SGPP2: variants seen among roughly 807,000 people sequenced by gnomAD.
SGPP2 encodes sphingosine-1-phosphate phosphatase 2.
A neutral mutation model predicts 33.9 loss-of-function variants in SGPP2; 30 were observed. That is an observed-to-expected ratio of 0.89 (90% confidence interval 0.66 to 1.20). The LOEUF (loss-of-function observed/expected upper bound fraction) is 1.20. Ranked by LOEUF, SGPP2 falls within the 50% of genes most tolerant of loss-of-function variation. SGPP2 has a pLI of 0.00. For synonymous variants in SGPP2, 233 were observed against 225.0 expected (o/e 1.04, Z -0.32); for missense variants, 458 against 532.1 (o/e 0.86, Z 1.37).
Position 222,560,454 on chromosome 2 carries a change from A to T in SGPP2, c.*1556A>T, listed in dbSNP as rs1318350306. On this transcript the variant is annotated 3_prime_UTR_variant, in exon 5 of 5. Transcript: ENST00000321276. ...AGCCAACCAAATACAAAACCCATTA[A>T]GCCTACTAGGGTGAGTCCTCTTAAC... The T allele has an allele frequency of 6.6e-6, 1 of 152,256 alleles. No individual in the cohort carries two copies. Among genetic ancestry groups the T allele is most frequent in the Non-Finnish European group, 1.5e-5 (1 of 68,062 alleles). 9.4% of individuals were successfully genotyped at this position (152,256 alleles called of 1,614,324 possible). A position where few individuals can be genotyped will look rare whatever the true frequency, so the allele number is the denominator to read the frequency against.
intron 4 of SGPP2, among the ~76,000 whole-genome samples, chr2:222,525,526 G>A (rs1013388002): frequency 1.3e-5 from 2 of 152,122 alleles, no homozygotes; most frequent in Admixed American, 6.6e-5. Flanking sequence ...AGGCAGTGGT[G>A]GGAACAGAGT....
At chr2:222,475,322 A>G (rs1186560691) in intron 2 of SGPP2, among the ~76,000 whole-genome samples, 1 of 152,182 alleles carries the variant, frequency 6.6e-6, no homozygotes, top group Non-Finnish European at 1.5e-5. Flanking sequence ...TTTATTTGTA[A>G]AAACCAAATC....
rs113375119 is a variant in SGPP2, at chr2:222,472,587, C to T, written c.220-1981C>T. On this transcript the variant is annotated intron_variant, in intron 1 of 4. Transcript: ENST00000321276. ...CTGGTCAGTAAGTGAATTGTAGAAACGTAAGCTGGGGGACAGTGGCTGGTT... is the reference window on the plus strand; with the variant it reads ...CTGGTCAGTAAGTGAATTGTAGAAATGTAAGCTGGGGGACAGTGGCTGGTT... Among the ~76,000 whole-genome samples, 1,199 of 152,236 alleles carry T rather than the reference C, an allele frequency of 7.9e-3. 27 individuals carry two copies. The highest frequency in any genetic ancestry group is 0.027 in the African/African-American group (1,133 of 41,548).
Position 222,424,698 on chromosome 2 carries a change from G to A in SGPP2, c.96G>A (p.Arg32=). 1.4e-6 allele frequency: 2 copies of A among 1,451,892 alleles called. No individual in the cohort carries two copies. The highest frequency in any genetic ancestry group is 9.1e-7 in the Non-Finnish European group (1 of 1,104,482). 89.9% of individuals were successfully genotyped at this position (1,451,892 alleles called of 1,614,324 possible). The part of the protein sequence containing the change: ...GLFPAPDEGP[R]ENGADPTERA... ...TCCCCGCTCCGGATGAAGGCCCCCGGGAGAACGGCGCGGACCCCACGGAGC... is the reference window on the plus strand; with the variant it reads ...TCCCCGCTCCGGATGAAGGCCCCCGAGAGAACGGCGCGGACCCCACGGAGC... The change falls in exon 1 of 5, where the codon CGG becomes CGA. Residue 32 remains arginine (R), a synonymous_variant. Coordinates refer to ENST00000321276, the MANE Select transcript of SGPP2 (RefSeq NM_152386.4).
intron 1 of SGPP2, among the ~76,000 whole-genome samples, chr2:222,445,129 G>A (rs971986937): frequency 1.3e-5 from 2 of 152,296 alleles, no homozygotes; most frequent in African/African-American, 2.4e-5. Flanking sequence ...CCTGTGTAAG[G>A]TGAAGATAGT....
rs1689538455 is a variant in SGPP2 at position 222,561,501 on chromosome 2, G to T, written c.*2603G>T. Among the ~76,000 whole-genome samples the T allele has an allele frequency of 6.8e-6, 1 of 146,986 alleles. No individual in the cohort carries two copies. Among genetic ancestry groups the T allele is most frequent in the African/African-American group, 2.5e-5 (1 of 40,220 alleles). On this transcript the variant is annotated 3_prime_UTR_variant, in exon 5 of 5. Transcript: ENST00000321276. The stretch of plus-strand genomic sequence containing the variant: ...TGATCATTGTCACAGAGTGGGTGCT[G>T]GCCTCTCATATATATGATATATATA...
chr2:222,435,040 G>A (rs983680334), intron 1 of SGPP2, among the ~76,000 whole-genome samples: 3 of 144,664 alleles, frequency 2.1e-5, no homozygotes, highest in African/African-American at 7.7e-5. Context: ...ATATATATGT[G>A]TATATATATA....
At chr2:222,435,059 T>C (rs1559142683) in intron 1 of SGPP2, among the ~76,000 whole-genome samples, 4 of 150,964 alleles carry the variant, frequency 2.6e-5, no homozygotes, top group South Asian at 2.1e-4. Context: ...TACACACATA[T>C]ACACATATAC....
intron 1 of SGPP2, among the ~76,000 whole-genome samples, chr2:222,428,790 T>C (rs924778160): frequency 7.3e-6 from 1 of 137,566 alleles, no homozygotes; most frequent in East Asian, 2.0e-4. Flanking sequence ...GTTTTCTTTT[T>C]TTTTTTTTTT....
intron 1 of SGPP2, among the ~76,000 whole-genome samples, chr2:222,425,292 C>T (rs1213968954): frequency 3.3e-5 from 5 of 152,118 alleles, no homozygotes; most frequent in African/African-American, 9.7e-5. Context: ...CCGCGCTGCA[C>T]CGCCAGCTCT....
intron 4 of SGPP2, among the ~76,000 whole-genome samples, chr2:222,529,082 C>G (rs1043362822): frequency 2.0e-5 from 3 of 152,152 alleles, no homozygotes; most frequent in Non-Finnish European, 4.4e-5. Flanking sequence ...GGAGAACTTT[C>G]AAAATTAGAG....
intron 4 of SGPP2, among the ~76,000 whole-genome samples, chr2:222,542,833 G>A (rs1367721600): frequency 2.7e-5 from 3 of 111,946 alleles, no homozygotes; most frequent in South Asian, 2.9e-4. Flanking sequence ...TTTTTTTCTT[G>A]AGACAAGGTC....
intron 2 of SGPP2, among the ~76,000 whole-genome samples, chr2:222,487,837 T>C (rs375389471): frequency 4.6e-5 from 7 of 152,126 alleles, no homozygotes; most frequent in East Asian, 3.9e-4. Context: ...ATATAGCATG[T>C]CACTTAACAC....
chr2:222,460,003 T>G lies in SGPP2; in HGVS notation c.220-14565T>G, dbSNP rs1697634573. ...CTTTAATATTTTTGACAAGCTCTGT[T>G]TCCTTGGGCATAGGAACCACAGTCC... is the stretch of plus-strand genomic sequence containing the variant. On this transcript the variant is annotated intron_variant, in intron 1 of 4. Transcript: ENST00000321276. The surrounding 1 kb of genome is among the most constrained non-coding windows in gnomAD (Gnocchi z 4.3). Among the ~76,000 whole-genome samples the G allele has an allele frequency of 6.6e-6, 1 of 152,168 alleles. No individual in the cohort carries two copies. Among genetic ancestry groups the G allele is most frequent in the Non-Finnish European group, 1.5e-5 (1 of 68,028 alleles).
intron 1 of SGPP2, among the ~76,000 whole-genome samples, chr2:222,466,306 T>C (rs1315895885): frequency 6.9e-6 from 1 of 145,178 alleles, no homozygotes; most frequent in East Asian, 2.1e-4. Context: ...TCACCCAGGC[T>C]GGAGTGCAGT....
intron 1 of SGPP2, among the ~76,000 whole-genome samples, chr2:222,448,566 G>T (rs577254960): frequency 1.4e-4 from 22 of 152,352 alleles, no homozygotes; most frequent in South Asian, 4.1e-4. Flanking sequence ...GACAGATAAT[G>T]GGAGCACAGG....
chr2:222,558,449 G>C lies in SGPP2; in HGVS notation c.751G>C (p.Val251Leu). 1 of 1,614,072 alleles carries C rather than the reference G, an allele frequency of 6.2e-7. No homozygotes were observed. Among genetic ancestry groups the C allele is most frequent in the Non-Finnish European group, 8.5e-7 (1 of 1,180,030 alleles). Reference sequence around the variant, plus strand: ...GGACTCGGCCAGCCCCCTCTTCCCCGTGTGTGTCATAGTTGTGCCATTCTT... The same window carrying C: ...GGACTCGGCCAGCCCCCTCTTCCCCCTGTGTGTCATAGTTGTGCCATTCTT... ...CLDSASPLFP[V>L]CVIVVPFFLC... is the part of the protein sequence containing the mutation. The change falls in exon 5 of 5, where the codon GTG becomes CTG. Residue 251 changes from valine (V) to leucine (L), a missense_variant. By Grantham distance (32) the Val-to-Leu change is conservative. Transcript: ENST00000321276.
intron 4 of SGPP2, among the ~76,000 whole-genome samples, chr2:222,540,924 T>C (rs934977588): frequency 6.6e-6 from 1 of 150,824 alleles, no homozygotes; most frequent in African/African-American, 2.4e-5. Flanking sequence ...TTCCAGTGAT[T>C]CTCCTGCCTC....
At position 222,524,937 on chromosome 2, in the gene SGPP2, C is replaced by T. The variant is rs757840618; in HGVS notation, c.559-7C>T. 54 of 1,611,884 alleles carry T rather than the reference C, an allele frequency of 3.4e-5. No individual in the cohort carries two copies. The highest frequency in any genetic ancestry group is 4.6e-5 in the Non-Finnish European group (54 of 1,178,718). On this transcript the variant is annotated splice_region_variant and splice_polypyrimidine_tract_variant and intron_variant, in intron 3 of 4. Transcript: ENST00000321276. Reference sequence around the variant, plus strand: ...TAATTCCCTTGTTTTTTCTCCTTCCCCCACAGTATCCATTTGTGTTGGGAC... The same window carrying T: ...TAATTCCCTTGTTTTTTCTCCTTCCTCCACAGTATCCATTTGTGTTGGGAC...
Sources: gnomAD v4.1 joint callset for allele counts (sites outside exome capture counted in the v4.1 genomes callset) on GRCh38, gnomAD v4.1.1 for gene constraint, Gnocchi (gnomAD v3.1) non-coding constraint, MANE v1.5 for transcripts, NCBI Gene and HGNC (gene_info 2026-07-23, HGNC 2026-07-21) for gene names.